Variants in ETFDH observed in about 807,000 individuals in gnomAD.
ETFDH encodes the protein electron transfer flavoprotein dehydrogenase, also known as electron transfer flavoprotein-ubiquinone oxidoreductase, mitochondrial.
A neutral mutation model predicts 73.2 loss-of-function variants in ETFDH; 61 were observed. That is an observed-to-expected ratio of 0.83 (90% CI 0.68 to 1.03). The LOEUF is 1.03. Ranked by LOEUF, ETFDH falls within the 50% of genes least tolerant of loss-of-function variation. ETFDH has a pLI of 0.00. For missense variants in ETFDH, 685 were observed against 745.0 expected, an observed-to-expected ratio of 0.92 and a Z score of 0.94; for synonymous variants, 243 against 253.3, an observed-to-expected ratio of 0.96 and a Z score of 0.39.
chr4:158,672,501 A>G lies in ETFDH; in HGVS notation c.34+11A>G. The stretch of plus-strand genomic sequence containing the variant: ...AGCTGTCCTGCCTGGGTGAGAGGAA[A>G]CGGGCGGTGGGGATAAGTGGAGGAG... On this transcript the variant is annotated intron_variant, in intron 1 of 12. Coordinates refer to ENST00000511912, the MANE Select transcript of ETFDH (RefSeq NM_004453.4). The G allele has an allele frequency of 1.2e-6, 2 of 1,614,006 alleles. No individual in the cohort carries two copies. The highest frequency in any genetic ancestry group is 1.7e-6 in the Non-Finnish European group (2 of 1,179,938).
intron 3 of ETFDH, among the ~76,000 whole-genome samples, chr4:158,684,019 T>C (rs1176859008): frequency 1.3e-5 from 2 of 151,748 alleles, no homozygotes; most frequent in African/African-American, 4.8e-5. Context: ...CAAAAAGACA[T>C]GAGGGTCACG....
At chr4:158,697,501 A>C in intron 7 of ETFDH, 58 bp from the exon 8 acceptor site, 1 of 1,441,152 alleles carries the variant, frequency 6.9e-7, no homozygotes, top group South Asian at 1.2e-5. Context: ...CATTGTGGTG[A>C]CATAAAAACA....
intron 6 of ETFDH, among the ~76,000 whole-genome samples, chr4:158,693,570 A>G (rs1371157385): frequency 6.6e-6 from 1 of 152,196 alleles, no homozygotes; most frequent in African/African-American, 2.4e-5. Flanking sequence ...TGGGGAAACT[A>G]TATCCATCTG....
At chr4:158,692,078 C>T (rs1347816531) in intron 6 of ETFDH, among the ~76,000 whole-genome samples, 1 of 152,172 alleles carries the variant, frequency 6.6e-6, no homozygotes, top group East Asian at 1.9e-4. Context: ...CAGATTTTCT[C>T]CTTCTCACAT....
At chr4:158,676,811 G>A (rs1006848533) in intron 1 of ETFDH, among the ~76,000 whole-genome samples, 1 of 152,154 alleles carries the variant, frequency 6.6e-6, no homozygotes, top group African/African-American at 2.4e-5. Context: ...GGCTAATGCT[G>A]CTGAGCATCT....
In ETFDH at chr4:158,702,361, T is replaced by C. The variant is rs1681812918; in HGVS notation, c.1117-1062T>C. ...ATTTGAAAAAAATAACAAATTATTC[T>C]TTATTATAGTCACTCTACAGTGCTA... On this transcript the variant is annotated intron_variant, in intron 9 of 12. Coordinates refer to ENST00000511912, the MANE Select transcript of ETFDH (RefSeq NM_004453.4). Among the ~76,000 whole-genome samples the C allele has an allele frequency of 2.0e-5, 3 of 152,300 alleles. No individual in the cohort carries two copies. In the South Asian group the frequency reaches 6.2e-4, roughly 32 times the overall value.
intron 1 of ETFDH, among the ~76,000 whole-genome samples, chr4:158,676,792 T>C (rs1228075294): frequency 6.6e-6 from 1 of 152,240 alleles, no homozygotes; most frequent in Non-Finnish European, 1.5e-5. Flanking sequence ...TGGTTTGCAT[T>C]TCCCTGATGG....
chr4:158,684,000 C>G (rs143551292), intron 3 of ETFDH, among the ~76,000 whole-genome samples: 26 of 152,282 alleles, frequency 1.7e-4, no homozygotes, highest in African/African-American at 6.3e-4. Flanking sequence ...GCTAACCTCT[C>G]CACAGAGACA....
At chr4:158,684,157 A>G (rs1458297512) in intron 3 of ETFDH, among the ~76,000 whole-genome samples, 1 of 152,212 alleles carries the variant, frequency 6.6e-6, no homozygotes, top group East Asian at 1.9e-4. Context: ...TGGGAGGCCA[A>G]GGCGGATGGA....
chr4:158,706,236 T>C lies in ETFDH; in HGVS notation c.1333T>C (p.Trp445Arg), dbSNP rs1156517377. 15 of 1,612,428 alleles carry C rather than the reference T, an allele frequency of 9.3e-6. No homozygotes were observed. Among genetic ancestry groups the C allele is most frequent in the Non-Finnish European group, 1.3e-5 (15 of 1,178,518 alleles). Residue 445 changes from tryptophan to arginine, a missense_variant, in exon 11 of 13, where the codon TGG becomes CGG. Trp to Arg is a moderately radical substitution (Grantham distance 101). Around this residue, in one of 3 missense-constraint regions of ETFDH, gnomAD observed 201 missense variants for 225.2 expected, o/e 0.89. Coordinates refer to ENST00000511912, the MANE Select transcript of ETFDH (RefSeq NM_004453.4). ...YEDNLKNSWVWKELYSVRNIR... is the reference protein window; with the variant it reads ...YEDNLKNSWVRKELYSVRNIR... ...GGACAATTTGAAGAACTCATGGGTA[T>C]GGAAAGAGCTATATTCTGTTAGAAA... is the stretch of plus-strand genomic sequence containing the variant.
intron 1 of ETFDH, among the ~76,000 whole-genome samples, chr4:158,674,175 T>C (rs1350604989): frequency 6.6e-6 from 1 of 152,242 alleles, no homozygotes; most frequent in Non-Finnish European, 1.5e-5. Context: ...TAAATATTCG[T>C]TATAGTGTAT....
rs116030529 is a variant in ETFDH at position 158,678,556 on chromosome 4, A to G, written c.35-1911A>G. ...CTCTACTGTAAAGTTAACATTTTTC[A>G]CTTTCCATTCTCTACTTGTTAGAAG... is the stretch of plus-strand genomic sequence containing the variant. On this transcript the variant is annotated intron_variant, in intron 1 of 12. Transcript: ENST00000511912. Among the ~76,000 whole-genome samples, 1,304 of 152,048 alleles carry G rather than the reference A, an allele frequency of 8.6e-3. 14 individuals carry two copies. The highest frequency in any genetic ancestry group is 0.029 in the African/African-American group (1,200 of 41,462).
Position 158,697,719 on chromosome 4 carries a change from G to C in ETFDH, c.972+20G>C, listed in dbSNP as rs534112682. The C allele has an allele frequency of 1.2e-6, 2 of 1,608,250 alleles. No individual in the cohort carries two copies. The highest frequency in any genetic ancestry group is 2.7e-5 in the African/African-American group (2 of 74,872). ...CTTGTGGTAAGTTATATTCCCATTA[G>C]GGAAAATTCTGCTGCTAGAGTTATA... On this transcript the variant is annotated intron_variant, in intron 8 of 12. Transcript: ENST00000511912.
intron 3 of ETFDH, among the ~76,000 whole-genome samples, chr4:158,683,338 C>T (rs1243445682): frequency 6.6e-6 from 1 of 152,158 alleles, no homozygotes; most frequent in African/African-American, 2.4e-5. Flanking sequence ...TGTGAATATA[C>T]TTGCAAAGAT....
chr4:158,685,500 A>G (rs1035340198), intron 5 of ETFDH, among the ~76,000 whole-genome samples: 5 of 152,146 alleles, frequency 3.3e-5, no homozygotes, highest in Non-Finnish European at 7.4e-5. Flanking sequence ...GAACTTACCT[A>G]TGGTTTTATA....
At position 158,690,565 on chromosome 4, in the gene ETFDH, G is replaced by A. The variant is rs114619054; in HGVS notation, c.684+140G>A. The A allele has an allele frequency of 8.2e-5, 57 of 695,844 alleles. No individual in the cohort carries two copies. In the South Asian group the frequency reaches 8.7e-4, roughly 11 times the overall value. The allele number at this position is 695,844 out of a possible 1,614,324, so 43.1% of individuals were successfully genotyped here. A position where few individuals can be genotyped will look rare whatever the true frequency, so the allele number is the denominator to read the frequency against. On this transcript the variant is annotated intron_variant, in intron 6 of 12. Transcript: ENST00000511912. Reference sequence around the variant, plus strand: ...TTCGTGGTATACACCTGTAGTCCTAGCTACTTTGGAGGCTGAAACAGGAGG... The same window carrying A: ...TTCGTGGTATACACCTGTAGTCCTAACTACTTTGGAGGCTGAAACAGGAGG...
intron 2 of ETFDH, 128 bp downstream of exon 2, chr4:158,680,735 A>G: frequency 1.3e-6 from 1 of 786,954 alleles, no homozygotes. Context: ...TTACCAAGTC[A>G]CATGCTGCAT....
At chr4:158,685,626 G>A (rs1257752856) in intron 5 of ETFDH, among the ~76,000 whole-genome samples, 2 of 152,176 alleles carry the variant, frequency 1.3e-5, no homozygotes, top group Middle Eastern at 3.4e-3. Flanking sequence ...CCCAGTATAG[G>A]GGTGGTATAG....
rs2150312299 is a variant in ETFDH, at chr4:158,699,096, A to G, written c.1082A>G (p.Tyr361Cys). 6.2e-7 allele frequency: 1 copy of G among 1,614,054 alleles called. No individual in the cohort carries two copies. Among genetic ancestry groups the G allele is most frequent in the South Asian group, 1.1e-5 (1 of 91,086 alleles). The change falls in exon 9 of 13, where the codon TAC (tyrosine) becomes TGC (cysteine). Residue 361 changes from tyrosine to cysteine, a missense_variant. By Grantham distance (194) the Tyr-to-Cys change is radical (BLOSUM62 -2). This residue lies in a region of ETFDH where 79 missense variants were observed against 120.5 expected (regional missense o/e 0.66). Coordinates refer to ENST00000511912, the MANE Select transcript of ETFDH (RefSeq NM_004453.4). Reference sequence around the variant, plus strand: ...TTGGAAGGTGGAAAAAGGATTGCATACGGAGCCAGAGCTCTCAATGAAGGT... The same window carrying G: ...TTGGAAGGTGGAAAAAGGATTGCATGCGGAGCCAGAGCTCTCAATGAAGGT... Reference protein sequence around the residue: ...PTLEGGKRIAYGARALNEGGF... With the variant: ...PTLEGGKRIACGARALNEGGF...
Sources: gnomAD v4.1 joint callset for allele counts (sites outside exome capture counted in the v4.1 genomes callset) on GRCh38, gnomAD v4.1.1 for gene constraint, gnomAD v4.1.1 regional missense constraint, MANE v1.5 for transcripts, NCBI Gene and HGNC (gene_info 2026-07-23, HGNC 2026-07-21) for gene names.